The following SLK variants were observed in gnomAD, a reference collection of about 807,000 sequenced individuals.
SLK encodes the protein STE20 like kinase.
A neutral mutation model predicts 147.7 loss-of-function variants in SLK; 67 were observed. The ratio of observed to expected loss-of-function variants is 0.45; its 90% CI spans 0.37 to 0.56. The LOEUF (loss-of-function observed/expected upper bound fraction) is 0.56. Among genes scored for constraint, SLK ranks in the 20% least tolerant of loss-of-function variants. SLK has a pLI of 0.00. For synonymous variants in SLK, 441 were observed against 475.0 expected, an observed-to-expected ratio of 0.93 and a Z score of 0.93; for missense variants, 1,136 against 1,438.8, an observed-to-expected ratio of 0.79 and a Z score of 3.41.
intron 14 of SLK, among the ~76,000 whole-genome samples, 196 bp from the exon 15 acceptor site, chr10:104,018,588 G>C (rs922628818): frequency 1.3e-5 from 2 of 151,894 alleles, no homozygotes; most frequent in East Asian, 3.9e-4. Context: ...CTGTTTATAC[G>C]ACATTAGAAC....
Position 104,002,289 on chromosome 10 carries a change from A to T in SLK, c.1111A>T (p.Asn371Tyr), listed in dbSNP as rs1266912672. 1.9e-6 allele frequency: 3 copies of T among 1,613,802 alleles called. No individual in the cohort carries two copies. The highest frequency in any genetic ancestry group is 2.5e-6 in the Non-Finnish European group (3 of 1,179,850). The change falls in exon 9 of 19, where the codon AAC becomes TAC. Residue 371 changes from asparagine (N) to tyrosine (Y), a missense_variant. By Grantham distance (143) the Asn-to-Tyr change is moderately radical (BLOSUM62 -2). Around this residue, in one of 6 missense-constraint regions of SLK, gnomAD observed 516 missense variants for 531.3 expected, o/e 0.97. Transcript: ENST00000369755. ...TGTCTCAGAAAAAACAGAACGTAGTAACTCTGAAGATAAACTCAACAGCAA... is the reference window on the plus strand; with the variant it reads ...TGTCTCAGAAAAAACAGAACGTAGTTACTCTGAAGATAAACTCAACAGCAA... ...ESVSEKTERS[N>Y]SEDKLNSKIL...
chr10:104,027,828 CAAG>C lies in SLK; in HGVS notation c.*2109_*2111del, dbSNP rs1844618093. Reference sequence around the variant, plus strand: ...CAACTTGACATTCAGATTATTGACTCAAGGAGAGAGGCTCAGAGTGGAATGGTT... The same window carrying C: ...CAACTTGACATTCAGATTATTGACTCGAGAGAGGCTCAGAGTGGAATGGTT... On this transcript the variant is annotated 3_prime_UTR_variant, in exon 19 of 19. Coordinates refer to ENST00000369755, the MANE Select transcript of SLK (RefSeq NM_014720.4). The C allele has an allele frequency of 6.6e-6, 1 of 152,120 alleles. No homozygotes were observed. Among genetic ancestry groups the C allele is most frequent in the African/African-American group, 2.4e-5 (1 of 41,470 alleles). The allele number at this position is 152,120 out of a possible 1,614,324, so 9.4% of individuals were successfully genotyped here.
chr10:104,021,842 G>T, intron 18 of SLK, 109 bp downstream of exon 18: 1 of 620,990 alleles, frequency 1.6e-6, no homozygotes, highest in Non-Finnish European at 2.8e-6. Flanking sequence ...AGGAAACATA[G>T]AGATGAAAAG....
intron 2 of SLK, 51 bp downstream of exon 2, chr10:103,990,890 C>G (rs777195315): frequency 8.8e-7 from 1 of 1,130,420 alleles, no homozygotes; most frequent in Non-Finnish European, 1.2e-6. Context: ...GTTAATTGTC[C>G]TAAAGAGATG....
At chr10:104,004,819 G>C (rs762598148) in intron 9 of SLK, among the ~76,000 whole-genome samples, 1 of 152,052 alleles carries the variant, frequency 6.6e-6, no homozygotes, top group African/African-American at 2.4e-5. Context: ...TGTTATTTCT[G>C]TTTGCATTTA....
At chr10:104,019,636 T>A (rs753402745) in intron 15 of SLK, 98 bp from the exon 16 acceptor site, 169 of 941,072 alleles carry the variant, frequency 1.8e-4, no homozygotes, top group Non-Finnish European at 2.5e-4. Context: ...GAGAGGGTAA[T>A]TATAGGAAAC....
chr10:104,023,784 G>A (rs1589549387), intron 18 of SLK, among the ~76,000 whole-genome samples: 3 of 152,106 alleles, frequency 2.0e-5, no homozygotes, highest in South Asian at 4.2e-4. Flanking sequence ...GTCCCCTCTT[G>A]CGAGTGAGAA....
chr10:104,025,524 C>CTA (rs1216839582), intron 18 of SLK, 50 bp from the exon 19 acceptor site: 5 of 1,559,084 alleles, frequency 3.2e-6, no homozygotes, highest in Non-Finnish European at 4.4e-6. Context: ...AGCATAAATT[C>CTA]TATATATAAT....
intron 1 of SLK, among the ~76,000 whole-genome samples, chr10:103,989,614 G>A (rs1345362268): frequency 1.3e-5 from 2 of 151,768 alleles, no homozygotes; most frequent in East Asian, 3.9e-4. Context: ...GACTACAGGT[G>A]CCCGACACCA....
intron 17 of SLK, 106 bp from the exon 18 acceptor site, chr10:104,021,514 A>G (rs1187810257): frequency 1.8e-5 from 11 of 626,208 alleles, no homozygotes; most frequent in Non-Finnish European, 2.8e-5. Context: ...AATCTCAGTA[A>G]TAGCATGATA....
intron 13 of SLK, among the ~76,000 whole-genome samples, chr10:104,015,126 T>C (rs1307478000): frequency 1.3e-5 from 2 of 152,198 alleles, no homozygotes; most frequent in African/African-American, 2.4e-5. Context: ...AATTTTTAGC[T>C]TTAATATAAA....
intron 1 of SLK, among the ~76,000 whole-genome samples, chr10:103,990,178 T>C (rs769336210): frequency 2.4e-4 from 37 of 151,722 alleles, no homozygotes; most frequent in African/African-American, 5.8e-4. Flanking sequence ...TTGCCAGGGG[T>C]TGGAGGAAGG....
At chr10:104,016,768 C>G (rs753801339) in intron 13 of SLK, among the ~76,000 whole-genome samples, 5 of 125,288 alleles carry the variant, frequency 4.0e-5, no homozygotes, top group Non-Finnish European at 7.8e-5. Context: ...TGGAGTGAGA[C>G]TCTCTGTGCA....
chr10:104,021,556 A>C (rs1844534240), intron 17 of SLK, 64 bp from the exon 18 acceptor site: 3 of 822,360 alleles, frequency 3.6e-6, no homozygotes, highest in South Asian at 3.0e-5. Context: ...ATGGAAGATA[A>C]TTGTATTTGT....
At chr10:103,993,737 G>A (rs1844130034) in intron 4 of SLK, among the ~76,000 whole-genome samples, 1 of 152,156 alleles carries the variant, frequency 6.6e-6, no homozygotes, top group Admixed American at 6.5e-5. Flanking sequence ...ACCCAAGATA[G>A]GAATTATTTA....
chr10:104,017,122 G>GT lies in SLK; in HGVS notation c.2878-1033dup, dbSNP rs1359203645. 2.6e-5 allele frequency among the ~76,000 whole-genome samples: 4 copies of GT among 152,254 alleles called. No individual in the cohort carries two copies. The East Asian group carries it at 7.7e-4, about 29-fold the overall frequency. ...TTTTTTTGCACAATAATTGAAGGAT[G>GT]TTTTTCTAAAGCAGAAATTTGGCAT... On this transcript the variant is annotated intron_variant, in intron 13 of 18. Coordinates refer to ENST00000369755, the MANE Select transcript of SLK (RefSeq NM_014720.4).
chr10:103,972,914 TA>T (rs1272715761), intron 1 of SLK, among the ~76,000 whole-genome samples: 2 of 152,216 alleles, frequency 1.3e-5, no homozygotes, highest in African/African-American at 4.8e-5. Context: ...TGTGTGTGTG[TA>T]CAATATATGT....
intron 1 of SLK, among the ~76,000 whole-genome samples, chr10:103,969,751 A>G (rs1001626662): frequency 6.6e-6 from 1 of 152,242 alleles, no homozygotes; most frequent in Admixed American, 6.5e-5. Flanking sequence ...GTCACAAACC[A>G]GCGTTGTAAT....
At chr10:103,975,138 A>G (rs1843852748) in intron 1 of SLK, among the ~76,000 whole-genome samples, 1 of 151,910 alleles carries the variant, frequency 6.6e-6, no homozygotes, top group African/African-American at 2.4e-5. Flanking sequence ...GTCTTCTCCC[A>G]TGGCTTCAAT....
Sources: allele counts gnomAD v4.1 joint callset (sites outside exome capture counted in the v4.1 genomes callset), GRCh38; gene constraint gnomAD v4.1.1; regional missense constraint gnomAD v4.1.1; transcripts MANE v1.5; gene names NCBI Gene and HGNC (gene_info 2026-07-23, HGNC 2026-07-21).